FBN2: variants seen among roughly 807,000 people sequenced by gnomAD.
The protein encoded by FBN2 is fibrillin-2.
Under a neutral mutation model 355.6 loss-of-function variants are expected in FBN2, and 105 were observed. That is an observed-to-expected ratio of 0.30 (90% CI 0.25 to 0.35). The LOEUF (loss-of-function observed/expected upper bound fraction) is 0.35. FBN2 is among the 10% of genes least tolerant of loss of function. The pLI is 1.00. For synonymous variants in FBN2, 1,350 were observed against 1,301.2 expected, an observed-to-expected ratio of 1.04 and a Z score of -0.81; for missense variants, 3,280 against 3,758.7, an observed-to-expected ratio of 0.87 and a Z score of 3.33.
intron 39 of FBN2, among the ~76,000 whole-genome samples, chr5:128,310,402 A>ATATATATT (rs1475271868): frequency 8.6e-5 from 2 of 23,308 alleles, no homozygotes; most frequent in South Asian, 1.4e-3. Flanking sequence ...ATATATATAT[A>ATATATATT]TTTTTTTTTT....
At chr5:128,274,977 G>T (rs1007449943) in intron 59 of FBN2, among the ~76,000 whole-genome samples, 2 of 152,124 alleles carry the variant, frequency 1.3e-5, no homozygotes, top group Non-Finnish European at 2.9e-5. Flanking sequence ...CTATCCAAAG[G>T]TTACAATTCT....
intron 59 of FBN2, among the ~76,000 whole-genome samples, chr5:128,275,595 TC>T (rs1249709086): frequency 6.6e-6 from 1 of 152,124 alleles, no homozygotes; most frequent in East Asian, 1.9e-4. Flanking sequence ...ATTTTAATGA[TC>T]TAATTTAGCT....
chr5:128,368,443 T>TAC (rs756583598), intron 16 of FBN2, among the ~76,000 whole-genome samples: 1 of 106,104 alleles, frequency 9.4e-6, no homozygotes, highest in African/African-American at 3.5e-5. Flanking sequence ...TACACATATA[T>TAC]ACATATATAT....
At position 128,350,017 on chromosome 5, in the gene FBN2, A is replaced by G. The variant is rs1395669341; in HGVS notation, c.2813-12T>C. On this transcript the variant is annotated splice_polypyrimidine_tract_variant and intron_variant, in intron 21 of 64. Coordinates refer to ENST00000262464, the MANE Select transcript of FBN2 (RefSeq NM_001999.4). ...TGGGCAAGCTGTATCTGTAACAACA[A>G]CAGGACAAATTTTACTTCATTATAG... 7 of 1,611,332 alleles carry G rather than the reference A, an allele frequency of 4.3e-6. No homozygotes were observed. Among genetic ancestry groups the G allele is most frequent in the Non-Finnish European group, 5.9e-6 (7 of 1,177,512 alleles).
At chr5:128,360,528 G>A (rs1306289021) in intron 19 of FBN2, among the ~76,000 whole-genome samples, 1 of 151,900 alleles carries the variant, frequency 6.6e-6, no homozygotes, top group Non-Finnish European at 1.5e-5. Flanking sequence ...CCAGAAGTAA[G>A]TTTAGAAAAA....
intron 53 of FBN2, among the ~76,000 whole-genome samples, chr5:128,287,632 C>CTCCGGAAAAAAA (rs1340384925): frequency 3.9e-5 from 6 of 152,084 alleles, no homozygotes; most frequent in African/African-American, 1.4e-4. Context: ...ATAAAAAGTA[C>CTCCGGAAAAAAA]CTGAAGTTTT....
At chr5:128,305,744 G>C in intron 43 of FBN2, 79 bp downstream of exon 43, 1 of 1,598,950 alleles carries the variant, frequency 6.3e-7, no homozygotes, top group Non-Finnish European at 8.6e-7. Context: ...AGAAGAAATA[G>C]TAAAAATCAG....
rs1427401706 is a variant in FBN2, at chr5:128,259,499, G to C, written c.8695C>G (p.Leu2899Val). The C allele has an allele frequency of 2.5e-6, 4 of 1,613,396 alleles. No individual in the cohort carries two copies. The highest frequency in any genetic ancestry group is 2.5e-6 in the Non-Finnish European group (3 of 1,179,862). ...AGCCTCATTCTGAGAGCCTCCCCAA[G>C]CTCCCCTAGGAGGTAGTCATCCTCA... ...SNEDDYLLGELGEALRMRLQI... is the reference protein window; with the variant it reads ...SNEDDYLLGEVGEALRMRLQI... Residue 2899 changes from leucine (L) to valine (V), a missense_variant, in exon 65 of 65, where the codon CTT (leucine) becomes GTT (valine). Leu to Val is a conservative substitution (Grantham distance 32). This residue lies in a region of FBN2 where 311 missense variants were observed against 319.1 expected (regional missense o/e 0.97). Transcript: ENST00000262464.
chr5:128,275,366 C>T (rs1765366208), intron 59 of FBN2, among the ~76,000 whole-genome samples: 1 of 151,436 alleles, frequency 6.6e-6, no homozygotes, highest in African/African-American at 2.4e-5. Context: ...AGTCTTTAGT[C>T]ATACTCATAA....
chr5:128,299,786 C>T (rs187675352), intron 48 of FBN2, among the ~76,000 whole-genome samples: 83 of 152,270 alleles, frequency 5.5e-4, no homozygotes, highest in African/African-American at 1.7e-3. Flanking sequence ...CCGTCTTCTC[C>T]GTCACTCATG....
chr5:128,480,310 T>C (rs1315147217), intron 5 of FBN2, among the ~76,000 whole-genome samples: 2 of 151,662 alleles, frequency 1.3e-5, no homozygotes, highest in Non-Finnish European at 2.9e-5. Context: ...TCTGCCATTA[T>C]AGACATATGC....
chr5:128,387,277 A>G (rs1199656128), intron 11 of FBN2, among the ~76,000 whole-genome samples: 1 of 151,552 alleles, frequency 6.6e-6, no homozygotes, highest in East Asian at 1.9e-4. Context: ...GTGTCTCAGG[A>G]TTTCTGTATT....
At chr5:128,355,548 C>T (rs1751478551) in intron 20 of FBN2, among the ~76,000 whole-genome samples, 1 of 152,074 alleles carries the variant, frequency 6.6e-6, no homozygotes, top group African/African-American at 2.4e-5. Flanking sequence ...GTAATCACAT[C>T]ATGAAATTTC....
At position 128,393,346 on chromosome 5, in the gene FBN2, C is replaced by T; in HGVS notation, c.1254G>A (p.Met418Ile). Reference protein sequence around the residue: ...RGSEEYRRLCMDGLPMGGIPG... With the variant: ...RGSEEYRRLCIDGLPMGGIPG... ...GAATTCCTCCCATTGGAAGTCCATC[C>T]ATGCAAAGTCTGCGATATTCCTCTA... The change falls in exon 10 of 65, where the codon ATG becomes ATA. Residue 418 changes from methionine (M) to isoleucine (I), a missense_variant. Transcript: ENST00000262464. The T allele has an allele frequency of 6.2e-7, 1 of 1,614,120 alleles. No homozygotes were observed. Among genetic ancestry groups the T allele is most frequent in the Non-Finnish European group, 8.5e-7 (1 of 1,179,974 alleles).
At chr5:128,494,623 G>A (rs974455381) in intron 5 of FBN2, among the ~76,000 whole-genome samples, 23 of 152,174 alleles carry the variant, frequency 1.5e-4, no homozygotes, top group Non-Finnish European at 2.9e-5. Context: ...CAGCTTAACA[G>A]ATCAGGGACA....
At chr5:128,311,711 T>G (rs1454987666) in intron 38 of FBN2, among the ~76,000 whole-genome samples, 174 bp downstream of exon 38, 2 of 152,114 alleles carry the variant, frequency 1.3e-5, no homozygotes, top group African/African-American at 2.4e-5. Flanking sequence ...ATCACTGCAA[T>G]GGATCATTAC....
At chr5:128,429,669 T>A (rs1381304480) in intron 7 of FBN2, among the ~76,000 whole-genome samples, 1 of 152,218 alleles carries the variant, frequency 6.6e-6, no homozygotes, top group East Asian at 1.9e-4. Context: ...TTAAAATGTA[T>A]AATCAAATTT....
rs759272453 is a variant in FBN2, at chr5:128,328,770, A to C, written c.4397T>G (p.Leu1466Arg). The change falls in exon 34 of 65, where the codon CTT becomes CGT. Residue 1466 changes from leucine (L) to arginine (R), a missense_variant. By Grantham distance (102) the Leu-to-Arg change is moderately radical (BLOSUM62 -2). Transcript: ENST00000262464. The part of the protein sequence containing the change: ...NINLCENGQC[L>R]NVPGAYRCEC... ...GCAGCGATATGCACCCGGGACATTA[A>C]GGCACTGTCCGTTCTCACAGAGGTT... The C allele has an allele frequency of 3.2e-5, 52 of 1,614,074 alleles. 1 individual carries two copies. The South Asian group carries it at 4.9e-4, about 15-fold the overall frequency.
chr5:128,330,283 T>C (rs1324367210), intron 33 of FBN2, among the ~76,000 whole-genome samples: 1 of 152,218 alleles, frequency 6.6e-6, no homozygotes, highest in Non-Finnish European at 1.5e-5. Flanking sequence ...AGACAAAGCC[T>C]GTGTTTTTTT....
Sources: allele counts gnomAD v4.1 joint callset (sites outside exome capture counted in the v4.1 genomes callset), GRCh38; gene constraint gnomAD v4.1.1; regional missense constraint gnomAD v4.1.1; transcripts MANE v1.5; gene names NCBI Gene and HGNC (gene_info 2026-07-23, HGNC 2026-07-21).